The following ASTN2 variants were observed in gnomAD, a reference collection of about 807,000 sequenced individuals.
ASTN2 encodes the protein astrotactin-2.
A neutral mutation model predicts 139.8 loss-of-function variants in ASTN2; 54 were observed. The observed-to-expected ratio is 0.39, with a 90% CI of 0.31 to 0.48. The LOEUF is 0.48. Ranked by LOEUF, ASTN2 falls within the 20% of genes least tolerant of loss-of-function variation. The pLI is 0.95. For missense variants in ASTN2, 1,565 were observed against 1,725.1 expected (o/e 0.91, Z 1.64); for synonymous variants, 756 against 719.5 (o/e 1.05, Z -0.81).
intron 10 of ASTN2, among the ~76,000 whole-genome samples, chr9:116,956,554 C>T (rs1376098707): frequency 6.6e-6 from 1 of 150,970 alleles, no homozygotes; most frequent in Non-Finnish European, 1.5e-5. Context: ...CAGCATTGTA[C>T]TGGAGGTTTT....
At chr9:116,507,355 AC>A in intron 19 of ASTN2, among the ~76,000 whole-genome samples, 1 of 152,322 alleles carries the variant, frequency 6.6e-6, no homozygotes, top group East Asian at 1.9e-4. Context: ...AGATGGAGAA[AC>A]AGGCACAGAA....
chr9:117,342,949 G>A (rs183774213), intron 1 of ASTN2, among the ~76,000 whole-genome samples: 2 of 152,216 alleles, frequency 1.3e-5, no homozygotes, highest in East Asian at 1.9e-4. Flanking sequence ...GAAGTCCCAT[G>A]GGAATTTCAG....
chr9:117,329,180 CTTTTTTTTTTTTT>C (rs749880987), intron 1 of ASTN2, among the ~76,000 whole-genome samples: 14 of 82,582 alleles, frequency 1.7e-4, no homozygotes, highest in Admixed American at 6.6e-4. Flanking sequence ...CTTCCAAGTT[CTTTTTTTTTTTTT>C]TTTTTTTTTT....
At chr9:117,017,055 G>A (rs916129538) in intron 6 of ASTN2, among the ~76,000 whole-genome samples, 1 of 151,492 alleles carries the variant, frequency 6.6e-6, no homozygotes, top group African/African-American at 2.4e-5. Context: ...GTTTGAGTCT[G>A]GACAAAAAAG....
intron 16 of ASTN2, among the ~76,000 whole-genome samples, chr9:116,661,572 GAGA>G (rs1365045831): frequency 2.0e-5 from 3 of 152,144 alleles, no homozygotes; most frequent in African/African-American, 7.2e-5. Flanking sequence ...AACAGAGATG[GAGA>G]AGGAGACGCT....
At chr9:116,641,165 G>A (rs1237447101) in intron 17 of ASTN2, among the ~76,000 whole-genome samples, 2 of 152,190 alleles carry the variant, frequency 1.3e-5, no homozygotes, top group East Asian at 1.9e-4. Context: ...AGAATGAATC[G>A]AAGTGAATCA....
chr9:117,099,225 A>C (rs1828914537), intron 4 of ASTN2, among the ~76,000 whole-genome samples: 1 of 152,204 alleles, frequency 6.6e-6, no homozygotes, highest in Non-Finnish European at 1.5e-5. Flanking sequence ...AACATCTGCC[A>C]TACTCTCTGC....
chr9:116,568,236 G>A (rs9969799), intron 19 of ASTN2, among the ~76,000 whole-genome samples: 24,120 of 152,136 alleles, frequency 0.16, 2,080 homozygotes, highest in African/African-American at 0.21. Flanking sequence ...CATTTAGCAG[G>A]TAGAAAACCT....
chr9:116,626,451 G>T (rs1158751694), intron 17 of ASTN2, among the ~76,000 whole-genome samples: 1 of 151,904 alleles, frequency 6.6e-6, no homozygotes, highest in Non-Finnish European at 1.5e-5. Context: ...TTCTGCCAAG[G>T]ATTAAACTTG....
intron 1 of ASTN2, among the ~76,000 whole-genome samples, chr9:117,340,144 G>C (rs1829019145): frequency 6.6e-6 from 1 of 151,550 alleles, no homozygotes; most frequent in Non-Finnish European, 1.5e-5. Flanking sequence ...AGCCAACCTG[G>C]TGAAACACTG....
At chr9:116,618,843 CT>C (rs1195569610) in intron 18 of ASTN2, among the ~76,000 whole-genome samples, 1 of 152,062 alleles carries the variant, frequency 6.6e-6, no homozygotes, top group Non-Finnish European at 1.5e-5. Flanking sequence ...TTCCATTTTT[CT>C]GCCATTTTCT....
chr9:116,753,682 ATTAAC>A (rs1359777354), intron 13 of ASTN2, among the ~76,000 whole-genome samples: 4 of 152,334 alleles, frequency 2.6e-5, no homozygotes, highest in East Asian at 1.9e-4. Flanking sequence ...AATAAAATCT[ATTAAC>A]TTAATAATAG....
intron 10 of ASTN2, among the ~76,000 whole-genome samples, chr9:116,921,142 G>T (rs751114278): frequency 6.6e-6 from 1 of 152,126 alleles, no homozygotes; most frequent in African/African-American, 2.4e-5. Flanking sequence ...GAGAGATGGG[G>T]GAGGTACCAC....
At chr9:117,347,129 T>C (rs201545260) in intron 1 of ASTN2, among the ~76,000 whole-genome samples, 1 of 151,984 alleles carries the variant, frequency 6.6e-6, no homozygotes, top group East Asian at 1.9e-4. Context: ...GTGAAAACTG[T>C]GGAAAATATA....
At chr9:117,254,830 A>G (rs1833640212) in intron 2 of ASTN2, among the ~76,000 whole-genome samples, 2 of 152,032 alleles carry the variant, frequency 1.3e-5, no homozygotes, top group South Asian at 4.1e-4. Flanking sequence ...ATTTTATTCT[A>G]TTCAGTCCTT....
chr9:117,017,040 G>C (rs1333727215), intron 6 of ASTN2, among the ~76,000 whole-genome samples: 1 of 151,668 alleles, frequency 6.6e-6, no homozygotes, highest in Non-Finnish European at 1.5e-5. Context: ...AGTTGAGTTA[G>C]GGGTGTTTGA....
intron 10 of ASTN2, among the ~76,000 whole-genome samples, chr9:116,929,002 G>C (rs985220983): frequency 3.3e-5 from 5 of 152,234 alleles, no homozygotes; most frequent in African/African-American, 1.2e-4. Context: ...ATCCAGGCCT[G>C]TCGTGGCCTG....
intron 12 of ASTN2, among the ~76,000 whole-genome samples, chr9:116,816,456 C>G (rs1440256697): frequency 6.6e-6 from 1 of 152,126 alleles, no homozygotes; most frequent in Non-Finnish European, 1.5e-5. Flanking sequence ...CCTCTTTGCC[C>G]CTGCTGGAGA....
intron 17 of ASTN2, among the ~76,000 whole-genome samples, chr9:116,622,683 G>T (rs993109511): frequency 6.6e-6 from 1 of 152,188 alleles, no homozygotes; most frequent in South Asian, 2.1e-4. Context: ...CCCAAGTAGG[G>T]TTGCCAGATT....
Sources: gnomAD v4.1 joint callset for allele counts (sites outside exome capture counted in the v4.1 genomes callset) on GRCh38, gnomAD v4.1.1 for gene constraint, MANE v1.5 for transcripts, NCBI Gene and HGNC (gene_info 2026-07-23, HGNC 2026-07-21) for gene names.